The following KLF8 variants were observed in gnomAD, a reference collection of about 807,000 sequenced individuals.
KLF8 encodes the protein KLF transcription factor 8, also known as Krueppel-like factor 8.
In KLF8, 10 loss-of-function variants were observed where a neutral mutation model predicts 18.2. The ratio of observed to expected loss-of-function variants is 0.55; its 90% CI spans 0.34 to 0.93. The LOEUF (loss-of-function observed/expected upper bound fraction) is 0.93, where lower values mean the gene tolerates loss of function less well. Among genes scored for constraint, KLF8 ranks in the 40% least tolerant of loss-of-function variants. The pLI, the probability that KLF8 is intolerant of heterozygous loss-of-function variation, is 0.02. For missense variants in KLF8, 264 were observed against 277.9 expected, an observed-to-expected ratio of 0.95 and a Z score of 0.36; for synonymous variants, 109 against 97.3, an observed-to-expected ratio of 1.12 and a Z score of -0.71.
At chrX:55,924,093 C>G in the KLF8 span, among the ~76,000 whole-genome samples, 1 of 110,618 alleles carries the variant, frequency 9.0e-6, no homozygotes, top group Admixed American at 9.6e-5. Flanking sequence ...TTTTTTGAGA[C>G]GAGTCTCGCT....
At chrX:56,083,445 G>T in the KLF8 span, among the ~76,000 whole-genome samples, 1 of 111,999 alleles carries the variant, frequency 8.9e-6, no homozygotes, top group African/African-American at 3.2e-5. Flanking sequence ...AATTATTAAA[G>T]ATTCTAGAAC....
At chrX:55,939,701 C>G in the KLF8 span, among the ~76,000 whole-genome samples, 2 of 111,608 alleles carry the variant, frequency 1.8e-5, no homozygotes, top group African/African-American at 6.5e-5. Flanking sequence ...GATATCACCA[C>G]TGAGCCCACA....
the KLF8 span, among the ~76,000 whole-genome samples, chrX:55,981,817 GA>G: frequency 9.0e-6 from 1 of 111,347 alleles, no homozygotes; most frequent in Admixed American, 9.6e-5. Flanking sequence ...CTAGAAACAG[GA>G]AAAGACTGGG....
the KLF8 span, among the ~76,000 whole-genome samples, chrX:55,911,419 A>G: frequency 8.9e-6 from 1 of 112,444 alleles, no homozygotes; most frequent in African/African-American, 3.2e-5. Context: ...CACTAGAAAA[A>G]GTCTCATCTG....
At chrX:56,242,379 C>T (rs925714268) in intron 1 of KLF8, among the ~76,000 whole-genome samples, 3 of 111,402 alleles carry the variant, frequency 2.7e-5, no homozygotes, top group Non-Finnish European at 3.8e-5. Flanking sequence ...AGTATGTGAC[C>T]GTATTTATGT....
chrX:55,990,670 G>C, the KLF8 span, among the ~76,000 whole-genome samples: 15 of 111,873 alleles, frequency 1.3e-4, no homozygotes, highest in Non-Finnish European at 2.4e-4. Context: ...ACATACAGAT[G>C]GGATTTTGGT....
chrX:56,195,636 G>C, the KLF8 span, among the ~76,000 whole-genome samples: 1 of 112,067 alleles, frequency 8.9e-6, no homozygotes, highest in Non-Finnish European at 1.9e-5. Flanking sequence ...GGGGAGAATG[G>C]AACCAAGTTG....
At chrX:56,202,658 T>A in the KLF8 span, among the ~76,000 whole-genome samples, 3 of 106,926 alleles carry the variant, frequency 2.8e-5, no homozygotes, top group Non-Finnish European at 5.8e-5. Context: ...TATTTTTAGA[T>A]CCCACAAATA....
the KLF8 span, among the ~76,000 whole-genome samples, chrX:55,988,742 G>A: frequency 9.0e-6 from 1 of 111,697 alleles, no homozygotes; most frequent in Non-Finnish European, 1.9e-5. Flanking sequence ...TGTGAAGAAA[G>A]TCGTTGGTAG....
chrX:55,909,988 G>C, the KLF8 span, among the ~76,000 whole-genome samples: 1 of 111,898 alleles, frequency 8.9e-6, no homozygotes, highest in Admixed American at 9.4e-5. Context: ...ACTGTGGATA[G>C]AGCCTAATGA....
chrX:56,150,511 G>A, the KLF8 span, among the ~76,000 whole-genome samples: 3 of 111,998 alleles, frequency 2.7e-5, no homozygotes, highest in Middle Eastern at 4.6e-3. Flanking sequence ...GATGTAGTGT[G>A]TATTTTGTCA....
At chrX:56,214,320 T>A in the KLF8 span, among the ~76,000 whole-genome samples, 2 of 112,496 alleles carry the variant, frequency 1.8e-5, no homozygotes, top group African/African-American at 6.5e-5. Context: ...CTAGAATTTC[T>A]CTGCCTCCTG....
the KLF8 span, among the ~76,000 whole-genome samples, chrX:56,154,397 C>T: frequency 9.0e-6 from 1 of 111,614 alleles, no homozygotes; most frequent in Non-Finnish European, 1.9e-5. Context: ...AACTGGCTAG[C>T]CATATGTAGA....
At chrX:56,129,958 G>A in the KLF8 span, among the ~76,000 whole-genome samples, 1 of 110,340 alleles carries the variant, frequency 9.1e-6, no homozygotes, top group Non-Finnish European at 1.9e-5. Context: ...TCTCCTGGGA[G>A]CATTACTCCA....
chrX:56,237,689 A>C (rs748143218), intron 1 of KLF8, among the ~76,000 whole-genome samples: 1 of 112,199 alleles, frequency 8.9e-6, no homozygotes, highest in South Asian at 3.7e-4. Context: ...AATAACAATA[A>C]AAACTTTTGT....
At chrX:56,158,369 G>A in the KLF8 span, among the ~76,000 whole-genome samples, 9 of 111,795 alleles carry the variant, frequency 8.1e-5, no homozygotes, top group East Asian at 8.4e-4. Flanking sequence ...ACTTGGCAAC[G>A]CGAGCTCTTT....
At chrX:55,911,348 C>T in the KLF8 span, among the ~76,000 whole-genome samples, 2 of 111,403 alleles carry the variant, frequency 1.8e-5, no homozygotes, top group Non-Finnish European at 3.8e-5. Context: ...GTCAACTATA[C>T]TTAAATACAA....
At chrX:56,243,899 T>G (rs916344271) in intron 1 of KLF8, among the ~76,000 whole-genome samples, 1 of 111,152 alleles carries the variant, frequency 9.0e-6, no homozygotes, top group Non-Finnish European at 1.9e-5. Flanking sequence ...GAAGGTGAGG[T>G]TGAGTTTTCC....
At chrX:55,986,944 G>C in the KLF8 span, among the ~76,000 whole-genome samples, 1 of 111,512 alleles carries the variant, frequency 9.0e-6, no homozygotes, top group Non-Finnish European at 1.9e-5. Context: ...GTTTCTGCAA[G>C]GGGCATGATT....
Sources: gnomAD v4.1 joint callset for allele counts (sites outside exome capture counted in the v4.1 genomes callset) on GRCh38, gnomAD v4.1.1 for gene constraint, MANE v1.5 for transcripts, NCBI Gene and HGNC (gene_info 2026-07-23, HGNC 2026-07-21) for gene names.